Variants in PTPRO observed in about 807,000 individuals in gnomAD.
PTPRO encodes receptor-type tyrosine-protein phosphatase O.
PTPRO carries 62 observed loss-of-function variants against 145.2 expected under a neutral mutation model. The observed-to-expected ratio is 0.43, with a 90% CI of 0.35 to 0.53. The LOEUF (loss-of-function observed/expected upper bound fraction) is 0.53, where lower values mean the gene tolerates loss of function less well. PTPRO is among the 20% of genes least tolerant of loss of function. The pLI, the probability that PTPRO is intolerant of heterozygous loss-of-function variation, is 0.01. For missense variants in PTPRO, 1,345 were observed against 1,482.7 expected (o/e 0.91, Z 1.53); for synonymous variants, 565 against 514.7 (o/e 1.10, Z -1.32).
At chr12:15,575,653 C>T (rs1432213060) in intron 19 of PTPRO, among the ~76,000 whole-genome samples, 2 of 152,150 alleles carry the variant, frequency 1.3e-5, no homozygotes, top group Non-Finnish European at 2.9e-5. Flanking sequence ...TTTGGGTGAC[C>T]GTATTAGTTC....
intron 15 of PTPRO, among the ~76,000 whole-genome samples, chr12:15,556,853 C>A (rs765996245): frequency 1.3e-5 from 2 of 152,046 alleles, no homozygotes; most frequent in Non-Finnish European, 2.9e-5. Context: ...CCAAATAGTT[C>A]AAATATTTCT....
chr12:15,515,696 A>G (rs1942562651), intron 8 of PTPRO, 78 bp downstream of exon 8: 1 of 1,568,884 alleles, frequency 6.4e-7, no homozygotes. Flanking sequence ...GCGAGCTCAA[A>G]TCATTATCAT....
intron 1 of PTPRO, among the ~76,000 whole-genome samples, chr12:15,453,887 A>G (rs891171840): frequency 2.0e-4 from 30 of 152,206 alleles, no homozygotes; most frequent in African/African-American, 7.2e-4. Flanking sequence ...AGTTTCATTC[A>G]TGTAGTTGCA....
chr12:15,349,426 T>C (rs981167046), intron 1 of PTPRO, among the ~76,000 whole-genome samples: 2 of 152,204 alleles, frequency 1.3e-5, no homozygotes, highest in Admixed American at 1.3e-4. Flanking sequence ...TTGCTCCAGC[T>C]GCAAATGGGG....
intron 1 of PTPRO, among the ~76,000 whole-genome samples, chr12:15,375,767 A>G (rs1938667304): frequency 6.6e-6 from 1 of 151,692 alleles, no homozygotes; most frequent in Non-Finnish European, 1.5e-5. Context: ...CACCAAAAAA[A>G]AAAAAAAAAA....
At chr12:15,590,988 A>G (rs905241208) in intron 25 of PTPRO, among the ~76,000 whole-genome samples, 7 of 152,206 alleles carry the variant, frequency 4.6e-5, no homozygotes, top group Non-Finnish European at 8.8e-5. Context: ...TGAATCACCA[A>G]GCTTCAAAGA....
At chr12:15,595,296 T>A (rs1466469990) in intron 26 of PTPRO, 4 of 486,398 alleles carry the variant, frequency 8.2e-6, no homozygotes, top group Non-Finnish European at 1.5e-5. Flanking sequence ...CTGCACATCA[T>A]GATGACTTTA....
At chr12:15,450,500 A>G (rs1941017030) in intron 1 of PTPRO, among the ~76,000 whole-genome samples, 1 of 152,178 alleles carries the variant, frequency 6.6e-6, no homozygotes, top group South Asian at 2.1e-4. Context: ...TAGGCCAGGC[A>G]TGGTGGCTCA....
At chr12:15,581,356 A>C (rs142233921) in intron 22 of PTPRO, among the ~76,000 whole-genome samples, 16 of 135,946 alleles carry the variant, frequency 1.2e-4, no homozygotes, top group African/African-American at 4.5e-4. Context: ...GCTGGGGTGC[A>C]GTGGCACGAT....
chr12:15,587,506 T>C (rs555948050), intron 24 of PTPRO, among the ~76,000 whole-genome samples: 1 of 152,226 alleles, frequency 6.6e-6, no homozygotes, highest in African/African-American at 2.4e-5. Context: ...GCATAAAAAC[T>C]AGAAAAGGAA....
intron 5 of PTPRO, 72 bp downstream of exon 5, chr12:15,502,135 G>A: frequency 6.9e-7 from 1 of 1,446,658 alleles, no homozygotes; most frequent in Non-Finnish European, 9.7e-7. Flanking sequence ...TTTTAAATTT[G>A]AGTTTAGAAA....
At chr12:15,462,607 A>G (rs1280243423) in intron 1 of PTPRO, among the ~76,000 whole-genome samples, 3 of 152,216 alleles carry the variant, frequency 2.0e-5, no homozygotes, top group Non-Finnish European at 4.4e-5. Flanking sequence ...AGATAATACC[A>G]AGTAAGCACT....
intron 1 of PTPRO, among the ~76,000 whole-genome samples, chr12:15,408,531 C>T (rs770858945): frequency 6.6e-5 from 10 of 152,066 alleles, no homozygotes; most frequent in Admixed American, 6.6e-5. Flanking sequence ...GGGTTCAAGT[C>T]ATCCTTCTGC....
chr12:15,544,934 C>G (rs1591710293), intron 12 of PTPRO, among the ~76,000 whole-genome samples: 1 of 152,316 alleles, frequency 6.6e-6, no homozygotes, highest in East Asian at 1.9e-4. Context: ...AAGAAGAACT[C>G]ATCTCTTTCC....
chr12:15,429,071 T>C (rs1940361274), intron 1 of PTPRO, among the ~76,000 whole-genome samples: 1 of 152,190 alleles, frequency 6.6e-6, no homozygotes, highest in Non-Finnish European at 1.5e-5. Context: ...AGAAATTGGA[T>C]ATTGAAGACA....
intron 1 of PTPRO, among the ~76,000 whole-genome samples, chr12:15,372,113 C>A (rs1938548944): frequency 6.6e-6 from 1 of 152,150 alleles, no homozygotes; most frequent in African/African-American, 2.4e-5. Flanking sequence ...AAATTGTGAA[C>A]TTCTCTAAAA....
chr12:15,327,308 TA>T (rs1322666497), intron 1 of PTPRO, among the ~76,000 whole-genome samples: 3 of 152,214 alleles, frequency 2.0e-5, no homozygotes, highest in African/African-American at 7.2e-5. Context: ...TTAATGTTAT[TA>T]ATTAAAAAGT....
chr12:15,374,190 AAAACGGAAACTGG>A (rs1455555999), intron 1 of PTPRO, among the ~76,000 whole-genome samples: 4 of 152,196 alleles, frequency 2.6e-5, no homozygotes. Flanking sequence ...TAACTTCTCT[AAAACGGAAACTGG>A]GTCACTGAAA....
At chr12:15,400,764 A>G (rs1939471281) in intron 1 of PTPRO, among the ~76,000 whole-genome samples, 1 of 152,244 alleles carries the variant, frequency 6.6e-6, no homozygotes, top group Non-Finnish European at 1.5e-5. Context: ...ATAGCCATGA[A>G]CAAAATATAC....
Sources: gnomAD v4.1 joint callset for allele counts (sites outside exome capture counted in the v4.1 genomes callset) on GRCh38, gnomAD v4.1.1 for gene constraint, MANE v1.5 for transcripts, NCBI Gene and HGNC (gene_info 2026-07-23, HGNC 2026-07-21) for gene names.